The following ZNF521 variants were observed in gnomAD, a reference collection of about 807,000 sequenced individuals.
ZNF521 encodes zinc finger protein 521, also known as LYST-interacting protein 3.
ZNF521 carries 14 observed loss-of-function variants against 105.5 expected under a neutral mutation model. That is an observed-to-expected ratio of 0.13 (90% CI 0.09 to 0.21). ZNF521 has a LOEUF of 0.21. ZNF521 is among the 10% of genes least tolerant of loss of function. ZNF521 has a pLI of 1.00. For missense variants in ZNF521, 1,233 were observed against 1,629.7 expected (o/e 0.76, Z 4.19); for synonymous variants, 635 against 606.0 (o/e 1.05, Z -0.70).
intron 3 of ZNF521, among the ~76,000 whole-genome samples, chr18:25,247,269 G>A (rs1054284934): frequency 6.6e-6 from 1 of 152,172 alleles, no homozygotes; most frequent in Admixed American, 6.5e-5. Context: ...AATGTTGTGG[G>A]TGTTCTGTGG....
At chr18:25,183,274 ATACT>A (rs1959191991) in intron 5 of ZNF521, among the ~76,000 whole-genome samples, 1 of 152,198 alleles carries the variant, frequency 6.6e-6, no homozygotes, top group African/African-American at 2.4e-5. Flanking sequence ...AAAAATGGAA[ATACT>A]TATTATAAAG....
chr18:25,272,472 T>C (rs1847586316), intron 3 of ZNF521, among the ~76,000 whole-genome samples: 1 of 152,222 alleles, frequency 6.6e-6, no homozygotes, highest in South Asian at 2.1e-4. Flanking sequence ...CATATGTTTA[T>C]TGTGGCACTG....
intron 5 of ZNF521, among the ~76,000 whole-genome samples, chr18:25,149,094 ACTGGCCAAATATAGTCTGCTGTCTTGCTT>A (rs2034998776): frequency 6.6e-6 from 1 of 152,220 alleles, no homozygotes; most frequent in Non-Finnish European, 1.5e-5. Flanking sequence ...AAGGGTGTCC[ACTGGCCAAATATAGTCTGCTGTCTTGCTT>A]CTGGCACACA....
At chr18:25,281,469 A>G (rs1316911388) in intron 3 of ZNF521, among the ~76,000 whole-genome samples, 1 of 152,222 alleles carries the variant, frequency 6.6e-6, no homozygotes, top group Non-Finnish European at 1.5e-5. Flanking sequence ...CATGTGCTGG[A>G]AATGTAGACT....
intron 7 of ZNF521, among the ~76,000 whole-genome samples, chr18:25,071,083 A>G (rs2033209557): frequency 6.6e-6 from 1 of 152,204 alleles, no homozygotes; most frequent in Admixed American, 6.5e-5. Flanking sequence ...TTGAAAACAC[A>G]TTGAGCTTGC....
At chr18:25,146,676 T>C (rs776691167) in intron 5 of ZNF521, among the ~76,000 whole-genome samples, 7 of 152,098 alleles carry the variant, frequency 4.6e-5, no homozygotes, top group Non-Finnish European at 1.0e-4. Context: ...ATGAAAATTA[T>C]GCCATATCAT....
chr18:25,114,134 T>C (rs2034256364), intron 5 of ZNF521, among the ~76,000 whole-genome samples: 1 of 152,014 alleles, frequency 6.6e-6, no homozygotes, highest in Non-Finnish European at 1.5e-5. Flanking sequence ...CTCCTCCCAA[T>C]TTCAGGGAGG....
intron 5 of ZNF521, among the ~76,000 whole-genome samples, chr18:25,129,259 AATAATAATT>A (rs1183310491): frequency 3.8e-5 from 3 of 77,994 alleles, no homozygotes; most frequent in Non-Finnish European, 1.0e-4. Context: ...TAATAATAAT[AATAATAATT>A]ATTATTATTA....
At chr18:25,114,649 C>T (rs1249764250) in intron 5 of ZNF521, among the ~76,000 whole-genome samples, 1 of 152,118 alleles carries the variant, frequency 6.6e-6, no homozygotes, top group Non-Finnish European at 1.5e-5. Flanking sequence ...GATGAAAAAA[C>T]TCTAAGTGGG....
intron 3 of ZNF521, among the ~76,000 whole-genome samples, chr18:25,252,674 T>C (rs534920482): frequency 6.6e-6 from 1 of 152,322 alleles, no homozygotes; most frequent in African/African-American, 2.4e-5. Context: ...GCCTTTTCTG[T>C]GTCCTCCTTT....
At chr18:25,196,950 T>C (rs1298185892) in intron 4 of ZNF521, among the ~76,000 whole-genome samples, 2 of 151,722 alleles carry the variant, frequency 1.3e-5, no homozygotes, top group Non-Finnish European at 3.0e-5. Context: ...CAGTAAAACA[T>C]ACAATATGTC....
intron 3 of ZNF521, among the ~76,000 whole-genome samples, chr18:25,245,061 A>C (rs2144816797): frequency 6.6e-6 from 1 of 152,350 alleles, no homozygotes; most frequent in African/African-American, 2.4e-5. Context: ...TTTTGAAAAT[A>C]GAGGAAAACA....
At chr18:25,323,102 G>A (rs1459151101) in intron 2 of ZNF521, among the ~76,000 whole-genome samples, 1 of 151,898 alleles carries the variant, frequency 6.6e-6, no homozygotes, top group East Asian at 1.9e-4. Context: ...GGAACTGTGT[G>A]GGGAGGGGGC....
intron 5 of ZNF521, among the ~76,000 whole-genome samples, chr18:25,117,028 T>C (rs55735901): frequency 0.06 from 4,848 of 80,804 alleles, 162 homozygotes; most frequent in East Asian, 0.18. Context: ...CATATATATA[T>C]ACATACACAC....
chr18:25,116,614 C>A (rs973473745), intron 5 of ZNF521, among the ~76,000 whole-genome samples: 1 of 151,896 alleles, frequency 6.6e-6, no homozygotes, highest in African/African-American at 2.4e-5. Context: ...AGACAAAAGA[C>A]AAACAATCAT....
At chr18:25,132,198 A>C (rs993445502) in intron 5 of ZNF521, among the ~76,000 whole-genome samples, 1 of 152,188 alleles carries the variant, frequency 6.6e-6, no homozygotes, top group Non-Finnish European at 1.5e-5. Flanking sequence ...TCTTCATCAC[A>C]AACTACAAAT....
rs1274429058 is a variant in ZNF521, at chr18:25,150,874, C to CT, written c.3658+44285dup. On this transcript the variant is annotated intron_variant, in intron 5 of 7. Coordinates refer to ENST00000361524, the MANE Select transcript of ZNF521 (RefSeq NM_015461.3). ...TTCTACTCTCCAGCTGGCTCCAGCT[C>CT]TTTTTTTTTCTTTTTTCTTTTTTTT... Among the ~76,000 whole-genome samples the CT allele has an allele frequency of 5.0e-3, 743 of 147,582 alleles. 8 individuals carry two copies. The highest frequency in any genetic ancestry group is 0.017 in the African/African-American group (688 of 40,490).
intron 3 of ZNF521, among the ~76,000 whole-genome samples, chr18:25,280,282 C>T (rs1303199844): frequency 6.6e-6 from 1 of 152,184 alleles, no homozygotes; most frequent in Admixed American, 6.5e-5. Context: ...TTAAGTGGCA[C>T]ATGTGAAGGT....
At chr18:25,294,630 G>A (rs553076768) in intron 3 of ZNF521, among the ~76,000 whole-genome samples, 4 of 152,074 alleles carry the variant, frequency 2.6e-5, no homozygotes, top group African/African-American at 9.6e-5. Flanking sequence ...GCTGAGCGGG[G>A]CAGATCACAA....
Sources: gnomAD v4.1 joint callset for allele counts (sites outside exome capture counted in the v4.1 genomes callset) on GRCh38, gnomAD v4.1.1 for gene constraint, MANE v1.5 for transcripts, NCBI Gene and HGNC (gene_info 2026-07-23, HGNC 2026-07-21) for gene names.